TMEM154: variants seen among roughly 807,000 people sequenced by gnomAD.
The protein encoded by TMEM154 is transmembrane protein 154.
Under a neutral mutation model 24.5 loss-of-function variants are expected in TMEM154, and 27 were observed. The observed-to-expected ratio is 1.10, with a 90% CI of 0.81 to 1.52. The LOEUF is 1.52. Among genes scored for constraint, TMEM154 ranks in the 40% most tolerant of loss-of-function variants. TMEM154 has a pLI of 0.00. For missense variants in TMEM154, 228 were observed against 213.4 expected, an observed-to-expected ratio of 1.07 and a Z score of -0.43; for synonymous variants, 67 against 76.8, an observed-to-expected ratio of 0.87 and a Z score of 0.67.
Position 152,670,916 on chromosome 4 carries a change from G to A in TMEM154, c.64+8954C>T, listed in dbSNP as rs573044064. ...ATGAGACCAGCTTCTGCCTCCCAGG[G>A]AAGTGGCTGTTAAGTAGGGACGATG... is the stretch of plus-strand genomic sequence containing the variant. On this transcript the variant is annotated intron_variant, in intron 1 of 6. Transcript: ENST00000304385. Among the ~76,000 whole-genome samples the A allele has an allele frequency of 3.9e-5, 6 of 152,278 alleles. No homozygotes were observed. In the East Asian group the frequency reaches 7.7e-4, roughly 20 times the overall value.
chr4:152,624,615 A>T lies in TMEM154; in HGVS notation c.*3931T>A, dbSNP rs1475511016. The T allele has an allele frequency of 6.6e-6, 1 of 151,512 alleles. No individual in the cohort carries two copies. Among genetic ancestry groups the T allele is most frequent in the Non-Finnish European group, 1.5e-5 (1 of 67,874 alleles). 9.4% of individuals were successfully genotyped at this position (151,512 alleles called of 1,614,324 possible). On this transcript the variant is annotated 3_prime_UTR_variant, in exon 7 of 7. Coordinates refer to ENST00000304385, the MANE Select transcript of TMEM154 (RefSeq NM_152680.3). ...GACCCCGTCTCAAAAAAAGAAAAAT[A>T]AAAAAAAACACCCAAAAACTATCCC... is the stretch of plus-strand genomic sequence containing the variant.
intron 6 of TMEM154, among the ~76,000 whole-genome samples, chr4:152,635,578 AAG>A (rs1752132185): frequency 6.6e-6 from 1 of 152,222 alleles, no homozygotes; most frequent in Admixed American, 6.5e-5. Context: ...AAAAATGACA[AAG>A]AGAAGGGATG....
intron 3 of TMEM154, chr4:152,646,773 G>A: frequency 3.4e-6 from 2 of 591,248 alleles, no homozygotes; most frequent in East Asian, 2.8e-5. Flanking sequence ...TGGAGGCTAG[G>A]GGAGGGCAGG....
chr4:152,676,258 A>G (rs936516758), intron 1 of TMEM154, among the ~76,000 whole-genome samples: 8 of 152,206 alleles, frequency 5.3e-5, no homozygotes, highest in Non-Finnish European at 8.8e-5. Flanking sequence ...ATGCAGCTCT[A>G]TAATTGACAT....
Position 152,652,677 on chromosome 4 carries a change from T to C in TMEM154, c.315A>G (p.Arg105=), listed in dbSNP as rs1484559463. The C allele has an allele frequency of 1.9e-6, 3 of 1,613,252 alleles. No homozygotes were observed. The Admixed American group carries it at 5.0e-5, about 27-fold the overall frequency. Residue 105 remains arginine, a synonymous_variant, in exon 2 of 7, where the codon AGA becomes AGG. Transcript: ENST00000304385. ...VFLATYYKRK[R]TKQEPSSQGS... ...ACACCAAATATTTACCTTGTTTAGT[T>C]CTTTTTCTTTTATAGTATGTTGCAA...
At position 152,618,782 on chromosome 4, in the gene TMEM154, A is replaced by C. The variant is rs1226005571; in HGVS notation, c.*9764T>G. Reference sequence around the variant, plus strand: ...CTCTGCTTCCTTCCATATTGGATTTAATGTAGCTAAAAATACAATACAATA... The same window carrying C: ...CTCTGCTTCCTTCCATATTGGATTTCATGTAGCTAAAAATACAATACAATA... On this transcript the variant is annotated 3_prime_UTR_variant, in exon 7 of 7. Coordinates refer to ENST00000304385, the MANE Select transcript of TMEM154 (RefSeq NM_152680.3). 1.3e-5 allele frequency: 2 copies of C among 152,212 alleles called. No individual in the cohort carries two copies. The highest frequency in any genetic ancestry group is 2.9e-5 in the Non-Finnish European group (2 of 68,048). The allele number at this position is 152,212 out of a possible 1,614,324, so 9.4% of individuals were successfully genotyped here.
At chr4:152,664,442 A>G (rs1728677323) in intron 1 of TMEM154, among the ~76,000 whole-genome samples, 1 of 152,172 alleles carries the variant, frequency 6.6e-6, no homozygotes, top group African/African-American at 2.4e-5. Context: ...CTTAAAACCT[A>G]TATGATGGGT....
chr4:152,665,159 A>G (rs1728693285), intron 1 of TMEM154, among the ~76,000 whole-genome samples: 1 of 152,220 alleles, frequency 6.6e-6, no homozygotes, highest in Admixed American at 6.5e-5. Context: ...TGAATGAGCT[A>G]TGATCACACC....
intron 6 of TMEM154, among the ~76,000 whole-genome samples, chr4:152,634,481 C>T (rs1220476664): frequency 6.6e-6 from 1 of 152,198 alleles, no homozygotes; most frequent in Non-Finnish European, 1.5e-5. Flanking sequence ...CTTTCTCCTT[C>T]CTGCAAGAGG....
chr4:152,640,832 G>A, intron 6 of TMEM154, 96 bp downstream of exon 6: 1 of 1,005,340 alleles, frequency 9.9e-7, no homozygotes, highest in Non-Finnish European at 1.5e-6. Flanking sequence ...ACGAATTATA[G>A]GCACGGAGGA....
At chr4:152,668,043 G>A (rs1303141146) in intron 1 of TMEM154, among the ~76,000 whole-genome samples, 3 of 152,176 alleles carry the variant, frequency 2.0e-5, no homozygotes, top group African/African-American at 4.8e-5. Flanking sequence ...TTTTTAAGAG[G>A]AAGCTTGCTC....
Position 152,619,377 on chromosome 4 carries a change from C to T in TMEM154, c.*9169G>A, listed in dbSNP as rs1222418398. 1 of 152,118 alleles carries T rather than the reference C, an allele frequency of 6.6e-6. No individual in the cohort carries two copies. The highest frequency in any genetic ancestry group is 1.5e-5 in the Non-Finnish European group (1 of 68,038). 9.4% of individuals were successfully genotyped at this position (152,118 alleles called of 1,614,324 possible). On this transcript the variant is annotated 3_prime_UTR_variant, in exon 7 of 7. Transcript: ENST00000304385. The stretch of plus-strand genomic sequence containing the variant: ...ATATTTCCTCGATATTGCATGAAGA[C>T]ACACCAATTTGGGCAGATCACATTT...
At chr4:152,647,158 G>C in intron 3 of TMEM154, 1 of 980,692 alleles carries the variant, frequency 1.0e-6, no homozygotes, top group South Asian at 4.7e-5. Context: ...TTATTTCCTA[G>C]TATAGTATAA....
chr4:152,623,476 A>T lies in TMEM154; in HGVS notation c.*5070T>A, dbSNP rs967650045. 1.5e-4 allele frequency: 23 copies of T among 152,226 alleles called. No individual in the cohort carries two copies. Among genetic ancestry groups the T allele is most frequent in the African/African-American group, 5.3e-4 (22 of 41,440 alleles). The allele number at this position is 152,226 out of a possible 1,614,324, so 9.4% of individuals were successfully genotyped here. A position where few individuals can be genotyped will look rare whatever the true frequency, so the allele number is the denominator to read the frequency against. On this transcript the variant is annotated 3_prime_UTR_variant, in exon 7 of 7. Coordinates refer to ENST00000304385, the MANE Select transcript of TMEM154 (RefSeq NM_152680.3). ...TTATAATTTGAGGTGTTTCACCGACATCAGAGTAATACATTGCTTACTCTC... is the reference window on the plus strand; with the variant it reads ...TTATAATTTGAGGTGTTTCACCGACTTCAGAGTAATACATTGCTTACTCTC...
At chr4:152,667,223 T>C (rs1479622477) in intron 1 of TMEM154, among the ~76,000 whole-genome samples, 1 of 152,200 alleles carries the variant, frequency 6.6e-6, no homozygotes, top group Non-Finnish European at 1.5e-5. Flanking sequence ...CACCTTTTTC[T>C]CCAGAGTCTG....
intron 1 of TMEM154, among the ~76,000 whole-genome samples, chr4:152,677,089 G>A (rs557037810): frequency 1.3e-5 from 2 of 152,252 alleles, no homozygotes; most frequent in African/African-American, 4.8e-5. Context: ...ACTTTCTTAG[G>A]ATCCTACACT....
At chr4:152,642,010 C>G (rs1752268733) in intron 5 of TMEM154, among the ~76,000 whole-genome samples, 1 of 148,796 alleles carries the variant, frequency 6.7e-6, no homozygotes, top group Non-Finnish European at 1.5e-5. Context: ...GCAACCTCCG[C>G]CTCCTGGGTT....
Position 152,652,729 on chromosome 4 carries a change from A to G in TMEM154, c.263T>C (p.Val88Ala), listed in dbSNP as rs756889513. The G allele has an allele frequency of 6.2e-7, 1 of 1,613,886 alleles. No individual in the cohort carries two copies. The highest frequency in any genetic ancestry group is 1.3e-5 in the African/African-American group (1 of 74,924). The part of the protein sequence containing the change: ...LMVLIPLILL[V>A]LLLLSVVFLA... ...GAATACCACGGATAAAAGTAAGAGGACCAATAAAATCAATGGGATTAACAC... is the reference window on the plus strand; with the variant it reads ...GAATACCACGGATAAAAGTAAGAGGGCCAATAAAATCAATGGGATTAACAC... The change falls in exon 2 of 7, where the codon GTC becomes GCC. Residue 88 changes from valine (V) to alanine (A), a missense_variant. Coordinates refer to ENST00000304385, the MANE Select transcript of TMEM154 (RefSeq NM_152680.3).
chr4:152,629,927 G>C lies in TMEM154; in HGVS notation c.537-1366C>G, dbSNP rs533395035. On this transcript the variant is annotated intron_variant, in intron 6 of 6. Transcript: ENST00000304385. The stretch of plus-strand genomic sequence containing the variant: ...TTTGTGTGTGGTGTTTGTTCATGTT[G>C]TGAAGACAGAGGCATAAGCTATCAT... Among the ~76,000 whole-genome samples, 3 of 152,306 alleles carry C rather than the reference G, an allele frequency of 2.0e-5. No individual in the cohort carries two copies. The South Asian group carries it at 6.2e-4, about 32-fold the overall frequency.
Sources: allele counts gnomAD v4.1 joint callset (sites outside exome capture counted in the v4.1 genomes callset), GRCh38; gene constraint gnomAD v4.1.1; transcripts MANE v1.5; gene names NCBI Gene and HGNC (gene_info 2026-07-23, HGNC 2026-07-21).